The following PLXDC2 variants were observed in gnomAD, a reference collection of about 807,000 sequenced individuals.
The protein encoded by PLXDC2 is plexin domain containing 2, also known as plexin domain-containing protein 2.
Under a neutral mutation model 68.9 loss-of-function variants are expected in PLXDC2, and 40 were observed. The observed-to-expected ratio is 0.58, with a 90% CI of 0.45 to 0.76. PLXDC2 has a LOEUF of 0.76. PLXDC2 is among the 30% of genes least tolerant of loss of function. PLXDC2 has a pLI of 0.00. For synonymous variants in PLXDC2, 243 were observed against 234.2 expected, an observed-to-expected ratio of 1.04 and a Z score of -0.34; for missense variants, 644 against 661.9, an observed-to-expected ratio of 0.97 and a Z score of 0.30.
chr10:20,149,214 C>CT (rs71200985), intron 6 of PLXDC2, among the ~76,000 whole-genome samples: 98,536 of 112,316 alleles, frequency 0.88, 43,212 homozygotes, highest in East Asian at 0.91. Flanking sequence ...ATTTTTCTTT[C>CT]TTTTTTTTTC....
chr10:19,903,204 A>T (rs1838186957), intron 1 of PLXDC2, among the ~76,000 whole-genome samples: 1 of 151,818 alleles, frequency 6.6e-6, no homozygotes, highest in South Asian at 2.1e-4. Context: ...TGATTTAGGG[A>T]GGATTCCCTC....
intron 1 of PLXDC2, among the ~76,000 whole-genome samples, chr10:19,861,881 C>T (rs1837325457): frequency 6.6e-6 from 1 of 152,158 alleles, no homozygotes; most frequent in African/African-American, 2.4e-5. Context: ...GCAGCTACAT[C>T]AAGATCCTGG....
intron 12 of PLXDC2, among the ~76,000 whole-genome samples, chr10:20,240,906 G>T (rs1416858644): frequency 6.6e-6 from 1 of 152,066 alleles, no homozygotes; most frequent in Non-Finnish European, 1.5e-5. Context: ...TAAATGACTT[G>T]CTCTGTTAGA....
chr10:20,138,279 A>G (rs12415849), intron 4 of PLXDC2, among the ~76,000 whole-genome samples: 35,756 of 152,042 alleles, frequency 0.24, 5,147 homozygotes, highest in East Asian at 0.51. Flanking sequence ...GTGAGGACTT[A>G]TCGGATAATT....
At chr10:20,217,689 T>A in intron 11 of PLXDC2, 113 bp downstream of exon 11, 1 of 1,211,148 alleles carries the variant, frequency 8.3e-7, no homozygotes, top group African/African-American at 1.6e-5. Context: ...TCTAGGTCTC[T>A]CTAAAGTTAT....
At chr10:20,199,584 A>G (rs1408082775) in intron 9 of PLXDC2, among the ~76,000 whole-genome samples, 1 of 152,014 alleles carries the variant, frequency 6.6e-6, no homozygotes, top group Non-Finnish European at 1.5e-5. Context: ...GTTACTAACA[A>G]AATTAGTAAC....
chr10:19,899,016 A>G (rs897287725), intron 1 of PLXDC2, among the ~76,000 whole-genome samples: 1 of 152,190 alleles, frequency 6.6e-6, no homozygotes, highest in East Asian at 1.9e-4. Context: ...AATACATTAT[A>G]AAATAAAAAC....
At chr10:19,930,295 T>G (rs2131388502) in intron 1 of PLXDC2, among the ~76,000 whole-genome samples, 1 of 152,302 alleles carries the variant, frequency 6.6e-6, no homozygotes, top group South Asian at 2.1e-4. Flanking sequence ...CATTTATTGA[T>G]TTATAGAAGG....
chr10:20,167,882 A>G (rs530817982), intron 7 of PLXDC2, among the ~76,000 whole-genome samples: 1 of 152,270 alleles, frequency 6.6e-6, no homozygotes, highest in East Asian at 1.9e-4. Flanking sequence ...TAATTTATTT[A>G]TTATTAAAAT....
intron 6 of PLXDC2, among the ~76,000 whole-genome samples, chr10:20,162,664 A>G (rs1404843048): frequency 6.6e-6 from 1 of 152,122 alleles, no homozygotes; most frequent in Non-Finnish European, 1.5e-5. Flanking sequence ...AATTACTTTC[A>G]TATTAGAGTA....
chr10:19,928,624 G>A (rs1307900930), intron 1 of PLXDC2, among the ~76,000 whole-genome samples: 1 of 152,148 alleles, frequency 6.6e-6, no homozygotes, highest in African/African-American at 2.4e-5. Context: ...CCTTGGCGGG[G>A]CTTAATTCTC....
chr10:19,973,313 C>CATATATATGTATACATATATATGTGTAT (rs1834389463), intron 1 of PLXDC2, among the ~76,000 whole-genome samples: 1 of 56,508 alleles, frequency 1.8e-5, no homozygotes, highest in African/African-American at 8.7e-5. Flanking sequence ...TATATACTCA[C>CATATATATGTATACATATATATGTGTAT]ATATATATGT....
intron 12 of PLXDC2, among the ~76,000 whole-genome samples, chr10:20,232,224 TTGA>T (rs1165756437): frequency 6.6e-6 from 1 of 152,126 alleles, no homozygotes; most frequent in African/African-American, 2.4e-5. Context: ...AACACTAATA[TTGA>T]TGAGGATATG....
chr10:20,128,474 A>G (rs7072672), intron 4 of PLXDC2, among the ~76,000 whole-genome samples: 42,422 of 152,038 alleles, frequency 0.28, 8,372 homozygotes, highest in African/African-American at 0.55. Flanking sequence ...CTTGATTAAT[A>G]TATCCATCAC....
At chr10:19,957,290 ACT>A (rs1192894260) in intron 1 of PLXDC2, among the ~76,000 whole-genome samples, 1 of 152,050 alleles carries the variant, frequency 6.6e-6, no homozygotes, top group Non-Finnish European at 1.5e-5. Context: ...TTCTTTGTTG[ACT>A]CTATAAATGA....
chr10:20,264,768 C>G (rs1835849523), intron 13 of PLXDC2, among the ~76,000 whole-genome samples: 1 of 151,544 alleles, frequency 6.6e-6, no homozygotes, highest in African/African-American at 2.4e-5. Flanking sequence ...AGAGGTAATG[C>G]AAACATTTAA....
At chr10:20,128,247 A>C (rs534086734) in intron 4 of PLXDC2, among the ~76,000 whole-genome samples, 1 of 152,324 alleles carries the variant, frequency 6.6e-6, no homozygotes, top group East Asian at 1.9e-4. Context: ...AGCATTTGAC[A>C]ACAGGATCTC....
chr10:19,945,368 T>C (rs1276105306), intron 1 of PLXDC2, among the ~76,000 whole-genome samples: 1 of 152,192 alleles, frequency 6.6e-6, no homozygotes, highest in East Asian at 1.9e-4. Flanking sequence ...CTTGACGTGC[T>C]TGTAGCAGAC....
chr10:20,152,593 A>G (rs542564580), intron 6 of PLXDC2, among the ~76,000 whole-genome samples: 1 of 152,192 alleles, frequency 6.6e-6, no homozygotes, highest in Non-Finnish European at 1.5e-5. Flanking sequence ...ATTATAATGC[A>G]TTTTTCAATT....
Sources: gnomAD v4.1 joint callset for allele counts (sites outside exome capture counted in the v4.1 genomes callset) on GRCh38, gnomAD v4.1.1 for gene constraint, MANE v1.5 for transcripts, NCBI Gene and HGNC (gene_info 2026-07-23, HGNC 2026-07-21) for gene names.